FOCAD: variants seen among roughly 807,000 people sequenced by gnomAD.
The protein encoded by FOCAD is focadhesin, also known as KIAA1797.
Under a neutral mutation model 225.6 loss-of-function variants are expected in FOCAD, and 198 were observed. The observed-to-expected ratio is 0.88, with a 90% CI of 0.78 to 0.99. FOCAD has a LOEUF of 0.99. Ranked by LOEUF, FOCAD falls within the 50% of genes least tolerant of loss-of-function variation. The pLI is 0.00. For synonymous variants in FOCAD, 897 were observed against 755.0 expected (o/e 1.19, Z -3.08); for missense variants, 2,713 against 2,123.6 (o/e 1.28, Z -5.46).
intron 28 of FOCAD, among the ~76,000 whole-genome samples, chr9:20,943,146 C>A (rs1836835399): frequency 6.6e-6 from 1 of 152,182 alleles, no homozygotes. Context: ...GTAGCCTTTC[C>A]TCTTCCGTAA....
chr9:20,656,587 C>T (rs1186404392), upstream of FOCAD, among the ~76,000 whole-genome samples: 1 of 151,722 alleles, frequency 6.6e-6, no homozygotes, highest in Non-Finnish European at 1.5e-5. Flanking sequence ...TTATCAGAGA[C>T]TAGTATTGCA....
At position 20,961,613 on chromosome 9, in the gene FOCAD, T is replaced by G. The variant is rs566631841; in HGVS notation, c.4132+8548T>G. On this transcript the variant is annotated intron_variant, in intron 35 of 43. Coordinates refer to ENST00000338382, the MANE Select transcript of FOCAD (RefSeq NM_001375567.1). ...TCTCTCTCATGTATTTTTATTTCTG[T>G]ATTTAGCTATATATGTAATAAAAAG... is the stretch of plus-strand genomic sequence containing the variant. Among the ~76,000 whole-genome samples the G allele has an allele frequency of 5.2e-4, 79 of 152,320 alleles. 1 individual carries two copies. In the South Asian group the frequency reaches 0.014, roughly 28 times the overall value.
intron 23 of FOCAD, among the ~76,000 whole-genome samples, chr9:20,914,185 G>A (rs569835124): frequency 4.6e-5 from 7 of 151,872 alleles, no homozygotes; most frequent in African/African-American, 1.7e-4. Context: ...CACTTAATTG[G>A]AACACAATCC....
chr9:20,779,973 G>T (rs1819207393), intron 9 of FOCAD, among the ~76,000 whole-genome samples: 2 of 152,038 alleles, frequency 1.3e-5, no homozygotes, highest in South Asian at 2.1e-4. Context: ...AGTCTGATCC[G>T]GTTTTTGCCT....
intron 2 of FOCAD, among the ~76,000 whole-genome samples, chr9:20,672,619 T>C (rs1460279488): frequency 6.6e-6 from 1 of 152,186 alleles, no homozygotes; most frequent in Non-Finnish European, 1.5e-5. Flanking sequence ...CCCAGCTAAT[T>C]TTTGTATTTT....
chr9:20,770,254 T>C lies in FOCAD; in HGVS notation c.906+16T>C, dbSNP rs745738832. On this transcript the variant is annotated intron_variant, in intron 8 of 43. Coordinates refer to ENST00000338382, the MANE Select transcript of FOCAD (RefSeq NM_001375567.1). ...TCTGAAGGAGGTAAGGATAGTAGTA[T>C]ATTATACTGTTCATGCATTGCTATT... 1.3e-6 allele frequency: 2 copies of C among 1,599,964 alleles called. No homozygotes were observed. Among genetic ancestry groups the C allele is most frequent in the South Asian group, 1.1e-5 (1 of 90,632 alleles).
upstream of FOCAD, among the ~76,000 whole-genome samples, chr9:20,656,485 G>A (rs1821480172): frequency 6.6e-6 from 1 of 152,082 alleles, no homozygotes; most frequent in African/African-American, 2.4e-5. Flanking sequence ...TATATATTTA[G>A]GATAGTTAGC....
At chr9:20,941,232 C>T (rs1338915840) in intron 28 of FOCAD, among the ~76,000 whole-genome samples, 1 of 152,180 alleles carries the variant, frequency 6.6e-6, no homozygotes, top group Non-Finnish European at 1.5e-5. Context: ...CCTGGCCAGG[C>T]TGGTGTTCGT....
intron 11 of FOCAD, among the ~76,000 whole-genome samples, chr9:20,796,677 G>T (rs1309404401): frequency 6.6e-6 from 1 of 152,032 alleles, no homozygotes; most frequent in Non-Finnish European, 1.5e-5. Context: ...TTTTTTTCTT[G>T]TAAATTTATT....
At chr9:20,704,158 G>T (rs1184184526) in intron 1 of FOCAD, among the ~76,000 whole-genome samples, 3 of 152,214 alleles carry the variant, frequency 2.0e-5, no homozygotes, top group African/African-American at 4.8e-5. Context: ...CATTTTCACT[G>T]TGGTTCTTCT....
At chr9:20,756,878 A>G (rs1287186924) in intron 5 of FOCAD, among the ~76,000 whole-genome samples, 1 of 152,216 alleles carries the variant, frequency 6.6e-6, no homozygotes, top group African/African-American at 2.4e-5. Context: ...GGTTCCTTTT[A>G]TGCTAAAAAG....
intron 1 of FOCAD, among the ~76,000 whole-genome samples, chr9:20,686,957 T>C (rs1344208540): frequency 6.6e-6 from 1 of 152,068 alleles, no homozygotes; most frequent in Non-Finnish European, 1.5e-5. Context: ...TGGATTGAAA[T>C]GTAGTTTTTG....
At chr9:20,763,443 G>A (rs1192699211) in intron 6 of FOCAD, among the ~76,000 whole-genome samples, 3 of 152,122 alleles carry the variant, frequency 2.0e-5, no homozygotes, top group Admixed American at 2.0e-4. Flanking sequence ...CTCTAGCCTG[G>A]GCAATGTAGC....
Position 20,882,037 on chromosome 9 carries a change from A to G in FOCAD, c.2484A>G (p.Gly828=). Residue 828 remains glycine, a synonymous_variant, in exon 20 of 44, where the codon GGA becomes GGG. Transcript: ENST00000338382. ...TGTATGAAACAAACAAGCAACCAGG[A>G]CTGAAACCTGGCCTTGCAGGTAAGG... ...LKMYETNKQP[G]LKPGLAGGML... 1 of 1,613,316 alleles carries G rather than the reference A, an allele frequency of 6.2e-7. No individual in the cohort carries two copies. The highest frequency in any genetic ancestry group is 8.5e-7 in the Non-Finnish European group (1 of 1,179,684).
rs1564166120 is a variant in FOCAD, at chr9:20,929,430, G to T, written c.3151G>T (p.Val1051Leu). Reference sequence around the variant, plus strand: ...TGCCGCCACGGCTTTGTCTCTCCTTGTGCCAGTTTTCATTATCTCTTGCAA... The same window carrying T: ...TGCCGCCACGGCTTTGTCTCTCCTTTTGCCAGTTTTCATTATCTCTTGCAA... ...SAAATALSLL[V>L]PVFIISCKEK... is the part of the protein sequence containing the mutation. The change falls in exon 27 of 44, where the codon GTG becomes TTG. Residue 1051 changes from valine (V) to leucine (L), a missense_variant. Physicochemically the swap from Val to Leu is conservative, Grantham distance 32. Coordinates refer to ENST00000338382, the MANE Select transcript of FOCAD (RefSeq NM_001375567.1). 1 of 1,614,074 alleles carries T rather than the reference G, an allele frequency of 6.2e-7. No individual in the cohort carries two copies. Among genetic ancestry groups the T allele is most frequent in the Non-Finnish European group, 8.5e-7 (1 of 1,180,020 alleles).
chr9:20,679,157 GTGTGTGTGTGTGTGTT>G (rs1822324445), intron 2 of FOCAD, among the ~76,000 whole-genome samples: 1 of 129,102 alleles, frequency 7.7e-6, no homozygotes, highest in African/African-American at 3.1e-5. Context: ...GTGTGTGTGT[GTGTGTGTGTGTGTGTT>G]GGGGATGGAG....
At chr9:20,669,920 T>C (rs574328899) in intron 2 of FOCAD, among the ~76,000 whole-genome samples, 68 of 152,314 alleles carry the variant, frequency 4.5e-4, no homozygotes, top group African/African-American at 1.5e-3. Context: ...CATATACTCA[T>C]GAAGCCCAGA....
intron 15 of FOCAD, among the ~76,000 whole-genome samples, chr9:20,848,103 A>G (rs1199182185): frequency 6.6e-6 from 1 of 152,084 alleles, no homozygotes; most frequent in East Asian, 1.9e-4. Context: ...AGGTGCATAC[A>G]AATTTATTTG....
chr9:20,822,144 A>T (rs1363197095), intron 14 of FOCAD, among the ~76,000 whole-genome samples: 2 of 151,958 alleles, frequency 1.3e-5, no homozygotes, highest in African/African-American at 4.8e-5. Flanking sequence ...ATTAAAGCTG[A>T]GGCTCAGGAT....
Sources: allele counts gnomAD v4.1 joint callset (sites outside exome capture counted in the v4.1 genomes callset), GRCh38; gene constraint gnomAD v4.1.1; transcripts MANE v1.5; gene names NCBI Gene and HGNC (gene_info 2026-07-23, HGNC 2026-07-21).